Variants in DIP2C observed in about 807,000 individuals in gnomAD.
DIP2C encodes the protein disco-interacting protein 2 homolog C.
Under a neutral mutation model 192.4 loss-of-function variants are expected in DIP2C, and 33 were observed. That is an observed-to-expected ratio of 0.17 (90% CI 0.13 to 0.23). The LOEUF is 0.23. DIP2C is among the 10% of genes least tolerant of loss of function. The pLI is 1.00. For synonymous variants in DIP2C, 979 were observed against 864.1 expected (o/e 1.13, Z -2.33); for missense variants, 1,537 against 2,110.1 (o/e 0.73, Z 5.32).
chr10:555,123 A>G (rs1848777885), intron 1 of DIP2C, among the ~76,000 whole-genome samples: 1 of 152,220 alleles, frequency 6.6e-6, no homozygotes, highest in South Asian at 2.1e-4. Flanking sequence ...GCATGCCTAT[A>G]AAATGTAAAC....
intron 1 of DIP2C, among the ~76,000 whole-genome samples, chr10:625,221 G>C (rs374209502): frequency 1.3e-5 from 2 of 152,138 alleles, no homozygotes; most frequent in Admixed American, 6.5e-5. Context: ...TCATTATCAC[G>C]GCCGCAAGCC....
intron 24 of DIP2C, among the ~76,000 whole-genome samples, chr10:355,153 C>G (rs12765028): frequency 1.3e-5 from 2 of 152,238 alleles, no homozygotes; most frequent in South Asian, 4.1e-4. Flanking sequence ...ACAGCACCAG[C>G]GAACGAGGGC....
At chr10:416,580 T>TAC (rs963517227) in intron 6 of DIP2C, among the ~76,000 whole-genome samples, 5 of 152,304 alleles carry the variant, frequency 3.3e-5, no homozygotes, top group Admixed American at 6.5e-5. Context: ...TACTAGCCCC[T>TAC]ACCTATCCAA....
intron 3 of DIP2C, among the ~76,000 whole-genome samples, chr10:459,378 C>CAG (rs58665762): frequency 0.85 from 129,886 of 152,040 alleles, 57,936 homozygotes; most frequent in Non-Finnish European, 0.97. Flanking sequence ...CCAGAGGACA[C>CAG]GGGACCGGGA....
At chr10:605,768 TC>T (rs905051441) in intron 1 of DIP2C, among the ~76,000 whole-genome samples, 1 of 152,212 alleles carries the variant, frequency 6.6e-6, no homozygotes. Context: ...AAAAATGCCT[TC>T]TCAGGGCTAT....
At chr10:414,931 A>G (rs1302195803) in intron 7 of DIP2C, among the ~76,000 whole-genome samples, 1 of 130,744 alleles carries the variant, frequency 7.6e-6, no homozygotes, top group Non-Finnish European at 1.6e-5. Flanking sequence ...TGGTAGAGAC[A>G]GGGTTTTGCC....
chr10:535,991 C>CA (rs1847671884), intron 1 of DIP2C, among the ~76,000 whole-genome samples: 1 of 152,214 alleles, frequency 6.6e-6, no homozygotes, highest in Non-Finnish European at 1.5e-5. Flanking sequence ...AGAGTATTTT[C>CA]AGATGGATGG....
intron 29 of DIP2C, among the ~76,000 whole-genome samples, chr10:330,148 T>C (rs1474799673): frequency 6.6e-6 from 1 of 152,276 alleles, no homozygotes; most frequent in Non-Finnish European, 1.5e-5. Flanking sequence ...AGCAGGCCTA[T>C]ACCTGGTTTA....
At chr10:579,380 G>A (rs1850420227) in intron 1 of DIP2C, among the ~76,000 whole-genome samples, 1 of 151,610 alleles carries the variant, frequency 6.6e-6, no homozygotes, top group South Asian at 2.1e-4. Context: ...AGTTCACTAT[G>A]TGTGTACAGT....
intron 1 of DIP2C, among the ~76,000 whole-genome samples, chr10:643,445 C>T (rs1407993844): frequency 2.7e-5 from 4 of 149,168 alleles, no homozygotes; most frequent in East Asian, 2.0e-4. Context: ...ACCCGGGAGG[C>T]GGAGCCTGCA....
chr10:336,673 A>G (rs1957782330), intron 29 of DIP2C, among the ~76,000 whole-genome samples: 1 of 152,232 alleles, frequency 6.6e-6, no homozygotes, highest in South Asian at 2.1e-4. Flanking sequence ...AAACAGCCTC[A>G]GTGGGTCCTT....
chr10:307,236 G>A (rs915162342), intron 32 of DIP2C, among the ~76,000 whole-genome samples: 11 of 152,212 alleles, frequency 7.2e-5, no homozygotes, highest in Non-Finnish European at 1.0e-4. Context: ...TTACAGAAAT[G>A]GAAACAGACT....
At chr10:531,344 C>A (rs1329918726) in intron 1 of DIP2C, among the ~76,000 whole-genome samples, 1 of 152,078 alleles carries the variant, frequency 6.6e-6, no homozygotes, top group Non-Finnish European at 1.5e-5. Context: ...TGTTTAAATG[C>A]CGCGGTCTCC....
chr10:459,439 GA>G (rs1169730922), intron 3 of DIP2C, among the ~76,000 whole-genome samples: 2 of 152,244 alleles, frequency 1.3e-5, no homozygotes, highest in Admixed American at 1.3e-4. Context: ...TGATCCCTGA[GA>G]GGGCAGCCCA....
At chr10:417,788 A>ACAGGCC (rs1281605519) in intron 6 of DIP2C, among the ~76,000 whole-genome samples, 1 of 113,178 alleles carries the variant, frequency 8.8e-6, no homozygotes, top group African/African-American at 4.0e-5. Flanking sequence ...CAGGGCTCGG[A>ACAGGCC]TAGGCCTCCC....
chr10:686,492 C>T (rs1241130396), intron 1 of DIP2C, among the ~76,000 whole-genome samples: 2 of 152,222 alleles, frequency 1.3e-5, no homozygotes, highest in Non-Finnish European at 2.9e-5. Flanking sequence ...GACCGTGTGG[C>T]CTCCTTACCT....
intron 14 of DIP2C, among the ~76,000 whole-genome samples, chr10:385,985 GGA>G (rs1449943830): frequency 1.3e-5 from 2 of 152,162 alleles, no homozygotes; most frequent in Non-Finnish European, 1.5e-5. Flanking sequence ...ATGTGACAGT[GGA>G]GAGACTCGCA....
chr10:681,148 G>A (rs971390044), intron 1 of DIP2C, among the ~76,000 whole-genome samples: 30 of 151,436 alleles, frequency 2.0e-4, no homozygotes, highest in African/African-American at 6.6e-4. Context: ...GTCCCATGGT[G>A]CAGCCACCAC....
At chr10:518,895 C>A (rs1275127506) in intron 1 of DIP2C, among the ~76,000 whole-genome samples, 1 of 152,208 alleles carries the variant, frequency 6.6e-6, no homozygotes, top group Admixed American at 6.5e-5. Context: ...CATTTTAGAC[C>A]AGCCCCTCGA....
Sources: allele counts gnomAD v4.1 joint callset (sites outside exome capture counted in the v4.1 genomes callset), GRCh38; gene constraint gnomAD v4.1.1; transcripts MANE v1.5; gene names NCBI Gene and HGNC (gene_info 2026-07-23, HGNC 2026-07-21).